LTF: variants seen among roughly 807,000 people sequenced by gnomAD.
LTF encodes lactotransferrin, also known as epididymis luminal protein 110.
Under a neutral mutation model 87.2 loss-of-function variants are expected in LTF, and 91 were observed. That is an observed-to-expected ratio of 1.04 (90% CI 0.88 to 1.24). The LOEUF is 1.24. Among genes scored for constraint, LTF ranks in the 50% most tolerant of loss-of-function variants. The pLI is 0.00. For synonymous variants in LTF, 378 were observed against 356.1 expected, an observed-to-expected ratio of 1.06 and a Z score of -0.69; for missense variants, 901 against 904.3, an observed-to-expected ratio of 1.00 and a Z score of 0.05.
At chr3:46,460,452 T>C (rs557260122) in intron 1 of LTF, 3 of 416,710 alleles carry the variant, frequency 7.2e-6, no homozygotes, top group East Asian at 1.5e-4. Context: ...ACAGAAAGAC[T>C]GGTGCTCCTG....
intron 9 of LTF, among the ~76,000 whole-genome samples, chr3:46,448,126 G>A (rs1012239597): frequency 4.6e-5 from 7 of 152,170 alleles, no homozygotes; most frequent in Non-Finnish European, 8.8e-5. Flanking sequence ...CACTTTGGGA[G>A]GCCGAAGCAG....
At chr3:46,481,586 A>G (rs1030542637) in intron 1 of LTF, among the ~76,000 whole-genome samples, 1 of 152,158 alleles carries the variant, frequency 6.6e-6, no homozygotes, top group Non-Finnish European at 1.5e-5. Context: ...CCCCATCTCT[A>G]CTAAAGATAC....
intron 6 of LTF, among the ~76,000 whole-genome samples, chr3:46,453,725 G>A (rs955720813): frequency 1.3e-5 from 2 of 152,194 alleles, no homozygotes; most frequent in African/African-American, 4.8e-5. Context: ...ATAAGTCCAG[G>A]AGGGACGCTG....
chr3:46,445,855 T>C (rs555754330), intron 11 of LTF, among the ~76,000 whole-genome samples: 4 of 152,344 alleles, frequency 2.6e-5, no homozygotes, highest in African/African-American at 9.6e-5. Context: ...AACGGCTGTG[T>C]GGGTACAGGG....
chr3:46,483,348 G>T (rs991828952), intron 1 of LTF, among the ~76,000 whole-genome samples: 1 of 152,216 alleles, frequency 6.6e-6, no homozygotes, highest in African/African-American at 2.4e-5. Context: ...ACACAAACAA[G>T]AATGTTGATA....
At chr3:46,461,567 T>A (rs1703082086) in intron 1 of LTF, among the ~76,000 whole-genome samples, 1 of 152,168 alleles carries the variant, frequency 6.6e-6, no homozygotes, top group South Asian at 2.1e-4. Context: ...TTGAATGAAA[T>A]GTCCAGAAAA....
At chr3:46,473,084 C>T (rs1703315835) in intron 1 of LTF, among the ~76,000 whole-genome samples, 1 of 152,128 alleles carries the variant, frequency 6.6e-6, no homozygotes, top group Non-Finnish European at 1.5e-5. Flanking sequence ...ATTCCATGGT[C>T]TGGAGATGAC....
At chr3:46,450,731 G>A (rs562480330) in intron 6 of LTF, 58 bp from the exon 7 acceptor site, 138 of 1,419,798 alleles carry the variant, frequency 9.7e-5, no homozygotes, top group East Asian at 3.9e-4. Context: ...CAGTAACCTC[G>A]AGCTATAGTT....
intron 13 of LTF, 89 bp downstream of exon 13, chr3:46,443,352 G>T: frequency 6.7e-7 from 1 of 1,484,676 alleles, no homozygotes; most frequent in Non-Finnish European, 9.3e-7. Context: ...TGCTGTGACA[G>T]GTCACATCTG....
intron 2 of LTF, among the ~76,000 whole-genome samples, chr3:46,458,433 G>T (rs547493797): frequency 6.6e-6 from 1 of 152,224 alleles, no homozygotes; most frequent in Non-Finnish European, 1.5e-5. Flanking sequence ...CGCGTTCAGC[G>T]TGGTATGGCC....
chr3:46,475,346 T>C (rs1219543418), intron 1 of LTF, among the ~76,000 whole-genome samples: 2 of 152,090 alleles, frequency 1.3e-5, no homozygotes, highest in Non-Finnish European at 2.9e-5. Flanking sequence ...TTTAAATAAT[T>C]ATCACCAATT....
At chr3:46,472,488 TTG>T (rs34825595) in intron 1 of LTF, among the ~76,000 whole-genome samples, 1,216 of 106,878 alleles carry the variant, frequency 0.011, 10 homozygotes, top group South Asian at 0.055. Flanking sequence ...GAAAAGATTA[TTG>T]TGTGTGTGTG....
chr3:46,448,624 AT>A (rs1702716075), intron 9 of LTF, among the ~76,000 whole-genome samples: 5 of 152,042 alleles, frequency 3.3e-5, no homozygotes. Context: ...ACCTTTCCAT[AT>A]TTTCCAAATT....
At chr3:46,444,156 C>G (rs1247849959) in intron 12 of LTF, among the ~76,000 whole-genome samples, 1 of 152,148 alleles carries the variant, frequency 6.6e-6, no homozygotes, top group Non-Finnish European at 1.5e-5. Context: ...TCATCCTGCA[C>G]ATAGAATGCA....
intron 1 of LTF, among the ~76,000 whole-genome samples, chr3:46,460,352 G>C (rs4234463): frequency 0.5 from 75,900 of 152,106 alleles, 22,983 homozygotes; most frequent in African/African-American, 0.85. Context: ...ATATACCTGA[G>C]TCGGTTGGTA....
chr3:46,441,719 A>G (rs542190907), intron 13 of LTF: 5 of 458,572 alleles, frequency 1.1e-5, no homozygotes, highest in African/African-American at 6.1e-5. Context: ...TATGCGACCC[A>G]GGAAACAGGC....
chr3:46,455,533 G>T, intron 4 of LTF, 91 bp from the exon 5 acceptor site: 1 of 1,495,772 alleles, frequency 6.7e-7, no homozygotes, highest in South Asian at 1.2e-5. Context: ...CGTGGGCAAG[G>T]CCCCTTCCTC....
At position 46,448,982 on chromosome 3, in the gene LTF, C is replaced by G. The variant is rs112765886; in HGVS notation, c.1093G>C (p.Val365Leu). The part of the protein sequence containing the change: ...EEVAARRARV[V>L]WCAVGEQELR... ...TCCTGCTCGCCCACCGCACACCACA[C>G]GACCCGCGCACGCCGGGCAGCCACT... Residue 365 changes from valine to leucine, a missense_variant, in exon 9 of 17, where the codon GTG becomes CTG. Physicochemically the swap from Val to Leu is conservative, Grantham distance 32 (BLOSUM62 1). Coordinates refer to ENST00000231751, the MANE Select transcript of LTF (RefSeq NM_002343.6). 3 of 1,612,318 alleles carry G rather than the reference C, an allele frequency of 1.9e-6. No homozygotes were observed. In the South Asian group the frequency reaches 3.3e-5, roughly 18 times the overall value.
chr3:46,462,198 G>A (rs185440403), intron 1 of LTF, among the ~76,000 whole-genome samples: 4 of 152,328 alleles, frequency 2.6e-5, no homozygotes, highest in Admixed American at 6.5e-5. Flanking sequence ...AGCACTGTGT[G>A]TCACGCAAGG....
Sources: gnomAD v4.1 joint callset for allele counts (sites outside exome capture counted in the v4.1 genomes callset) on GRCh38, gnomAD v4.1.1 for gene constraint, MANE v1.5 for transcripts, NCBI Gene and HGNC (gene_info 2026-07-23, HGNC 2026-07-21) for gene names.